DPP10: variants seen among roughly 807,000 people sequenced by gnomAD.
DPP10 encodes the protein dipeptidyl peptidase like 10.
DPP10 carries 33 observed loss-of-function variants against 120.9 expected under a neutral mutation model. That is an observed-to-expected ratio of 0.27 (90% CI 0.21 to 0.37). The LOEUF is 0.37. Among genes scored for constraint, DPP10 ranks in the 10% least tolerant of loss-of-function variants. The pLI is 1.00. For synonymous variants in DPP10, 337 were observed against 326.1 expected, an observed-to-expected ratio of 1.03 and a Z score of -0.36; for missense variants, 816 against 942.8, an observed-to-expected ratio of 0.87 and a Z score of 1.76.
At chr2:114,865,524 C>T (rs1272146556) in intron 1 of DPP10, among the ~76,000 whole-genome samples, 1 of 152,164 alleles carries the variant, frequency 6.6e-6, no homozygotes, top group Non-Finnish European at 1.5e-5. Context: ...TTCTTAATCT[C>T]TTCATTGTTA....
intron 1 of DPP10, among the ~76,000 whole-genome samples, chr2:115,116,750 A>T (rs1044274713): frequency 2.0e-5 from 3 of 152,068 alleles, no homozygotes; most frequent in African/African-American, 7.2e-5. Context: ...CTAACTATTG[A>T]TCTTATTGGT....
intron 1 of DPP10, among the ~76,000 whole-genome samples, chr2:114,601,494 G>A (rs1160316896): frequency 6.6e-6 from 1 of 151,870 alleles, no homozygotes; most frequent in African/African-American, 2.4e-5. Flanking sequence ...AGGGATTGGG[G>A]AGGGAGGTCT....
chr2:114,722,761 G>GC, intron 1 of DPP10, among the ~76,000 whole-genome samples: 1 of 104,300 alleles, frequency 9.6e-6, no homozygotes, highest in South Asian at 3.6e-4. Context: ...GGGAGACAGA[G>GC]CTAGGCTCTG....
intron 3 of DPP10, among the ~76,000 whole-genome samples, chr2:115,415,505 C>A: frequency 6.6e-6 from 1 of 152,026 alleles, no homozygotes; most frequent in East Asian, 1.9e-4. Flanking sequence ...GTAACAAGGT[C>A]TCTGTTAATT....
intron 1 of DPP10, among the ~76,000 whole-genome samples, chr2:114,783,382 T>C (rs983188270): frequency 6.6e-6 from 1 of 152,154 alleles, no homozygotes; most frequent in Non-Finnish European, 1.5e-5. Context: ...TTCCATCTCT[T>C]AACACATTTT....
At chr2:114,463,395 G>A (rs1679091597) in intron 1 of DPP10, 1 of 152,046 alleles carries the variant, frequency 6.6e-6, no homozygotes, top group East Asian at 1.9e-4. Flanking sequence ...TTCCATCCAG[G>A]TATACATACA....
intron 1 of DPP10, among the ~76,000 whole-genome samples, chr2:114,511,902 A>G (rs1039525537): frequency 6.6e-6 from 1 of 152,174 alleles, no homozygotes; most frequent in Non-Finnish European, 1.5e-5. Flanking sequence ...CTTGTCCTGT[A>G]TTGTTTCCAG....
At chr2:115,825,286 A>T (rs1472374140) in intron 21 of DPP10, among the ~76,000 whole-genome samples, 1 of 152,120 alleles carries the variant, frequency 6.6e-6, no homozygotes, top group Non-Finnish European at 1.5e-5. Context: ...TCTATCTCTT[A>T]TTAAGCCCTA....
At chr2:115,687,850 T>G (rs984064238) in intron 5 of DPP10, among the ~76,000 whole-genome samples, 1 of 152,080 alleles carries the variant, frequency 6.6e-6, no homozygotes, top group Non-Finnish European at 1.5e-5. Flanking sequence ...AAAATGATAA[T>G]GCCCAGCAAC....
intron 1 of DPP10, among the ~76,000 whole-genome samples, chr2:114,745,864 C>T (rs372686303): frequency 1.5e-4 from 23 of 152,316 alleles, no homozygotes; most frequent in African/African-American, 5.3e-4. Flanking sequence ...CCTCTGTTCA[C>T]GTAGTCCCCA....
intron 1 of DPP10, among the ~76,000 whole-genome samples, chr2:114,547,596 T>C (rs1687525110): frequency 6.6e-6 from 1 of 152,064 alleles, no homozygotes; most frequent in South Asian, 2.1e-4. Flanking sequence ...AGAGTAATGG[T>C]TCAAGCAGAA....
intron 2 of DPP10, among the ~76,000 whole-genome samples, chr2:115,309,929 A>G (rs1056560469): frequency 6.6e-6 from 1 of 152,140 alleles, no homozygotes; most frequent in Non-Finnish European, 1.5e-5. Flanking sequence ...TGTTCTTCAG[A>G]TTAAAGAGTT....
intron 1 of DPP10, among the ~76,000 whole-genome samples, chr2:115,247,506 A>C (rs2058585968): frequency 6.6e-6 from 1 of 152,128 alleles, no homozygotes; most frequent in Admixed American, 6.6e-5. Flanking sequence ...AAAGAGGATG[A>C]CTGCCCCATG....
intron 9 of DPP10, among the ~76,000 whole-genome samples, chr2:115,743,325 G>A (rs372488389): frequency 3.3e-5 from 5 of 152,212 alleles, no homozygotes; most frequent in African/African-American, 4.8e-5. Flanking sequence ...AGATGTTCAC[G>A]TTTTGTCTGA....
intron 1 of DPP10, among the ~76,000 whole-genome samples, chr2:115,307,212 T>C (rs929245714): frequency 1.3e-5 from 2 of 152,110 alleles, no homozygotes; most frequent in Non-Finnish European, 2.9e-5. Flanking sequence ...CATAATAATA[T>C]ATATAAGCTA....
intron 1 of DPP10, among the ~76,000 whole-genome samples, chr2:115,270,470 A>G (rs2059652874): frequency 6.6e-6 from 1 of 152,098 alleles, no homozygotes; most frequent in African/African-American, 2.4e-5. Flanking sequence ...CATAGAGGTT[A>G]TTGATTGGCT....
chr2:115,693,653 T>C (rs1349452401), intron 7 of DPP10, among the ~76,000 whole-genome samples: 1 of 152,184 alleles, frequency 6.6e-6, no homozygotes, highest in African/African-American at 2.4e-5. Context: ...TCTTTATTTG[T>C]TATTGATTCC....
At chr2:115,153,893 A>G (rs1169554516) in intron 1 of DPP10, among the ~76,000 whole-genome samples, 1 of 152,136 alleles carries the variant, frequency 6.6e-6, no homozygotes. Context: ...TTTGCTTTCT[A>G]TAACATTCTG....
At chr2:115,627,561 A>G (rs189168429) in intron 5 of DPP10, among the ~76,000 whole-genome samples, 2 of 152,304 alleles carry the variant, frequency 1.3e-5, no homozygotes, top group East Asian at 3.9e-4. Context: ...ATACATGTGC[A>G]GGATGTGCAG....
Sources: gnomAD v4.1 joint callset for allele counts (sites outside exome capture counted in the v4.1 genomes callset) on GRCh38, gnomAD v4.1.1 for gene constraint, MANE v1.5 for transcripts, NCBI Gene and HGNC (gene_info 2026-07-23, HGNC 2026-07-21) for gene names.